ACSS1: variants seen among roughly 807,000 people sequenced by gnomAD.
The protein encoded by ACSS1 is acyl-CoA synthetase short chain family member 1.
A neutral mutation model predicts 75.3 loss-of-function variants in ACSS1; 42 were observed. That is an observed-to-expected ratio of 0.56 (90% CI 0.44 to 0.72). The LOEUF (loss-of-function observed/expected upper bound fraction) is 0.72. Among genes scored for constraint, ACSS1 ranks in the 30% least tolerant of loss-of-function variants. The probability of loss-of-function intolerance (pLI) is 0.00; values close to 1 mark genes in which losing one functional copy is unlikely to be tolerated. For synonymous variants in ACSS1, 380 were observed against 376.8 expected, an observed-to-expected ratio of 1.01 and a Z score of -0.10; for missense variants, 782 against 935.7, an observed-to-expected ratio of 0.84 and a Z score of 2.14.
At chr20:25,054,654 G>A (rs1397928786) in intron 1 of ACSS1, among the ~76,000 whole-genome samples, 5 of 152,248 alleles carry the variant, frequency 3.3e-5, no homozygotes, top group African/African-American at 1.2e-4. Flanking sequence ...GCTGAAGCCA[G>A]CCTGCAAGTT....
At chr20:25,044,113 TG>T (rs1399206978) in intron 2 of ACSS1, among the ~76,000 whole-genome samples, 1 of 152,210 alleles carries the variant, frequency 6.6e-6, no homozygotes, top group Non-Finnish European at 1.5e-5. Flanking sequence ...TTCCTGCACC[TG>T]GAGTCCAACC....
chr20:25,015,247 A>G lies in ACSS1; in HGVS notation c.1247-17T>C. On this transcript the variant is annotated splice_polypyrimidine_tract_variant and intron_variant, in intron 7 of 13. Transcript: ENST00000323482. ...GCTCTCCCACTGAAACCACACAGAA[A>G]GAAAAAGATGTTAACAGGCTGCAAA... 6.3e-7 allele frequency: 1 copy of G among 1,586,360 alleles called. No individual in the cohort carries two copies. The highest frequency in any genetic ancestry group is 2.3e-5 in the East Asian group (1 of 44,370).
intron 12 of ACSS1, chr20:25,010,647 T>C (rs1318881682): frequency 6.6e-6 from 1 of 152,406 alleles, no homozygotes; most frequent in Non-Finnish European, 1.5e-5. Flanking sequence ...GCCACCCCAC[T>C]AGGCTGTTAG....
chr20:25,057,269 T>A (rs951279208), intron 1 of ACSS1, among the ~76,000 whole-genome samples: 1 of 152,208 alleles, frequency 6.6e-6, no homozygotes, highest in African/African-American at 2.4e-5. Flanking sequence ...GCCACAGCTC[T>A]GTTTGTTTAC....
intron 10 of ACSS1, among the ~76,000 whole-genome samples, chr20:25,013,326 G>C (rs531240243): frequency 6.6e-6 from 1 of 152,204 alleles, no homozygotes; most frequent in African/African-American, 2.4e-5. Context: ...GAAAGTCCCC[G>C]AGTGGGGAAT....
At chr20:25,039,273 C>T (rs1442578216) in intron 2 of ACSS1, among the ~76,000 whole-genome samples, 2 of 152,224 alleles carry the variant, frequency 1.3e-5, no homozygotes, top group African/African-American at 4.8e-5. Context: ...CAAACCCAGG[C>T]CCAGCTCCAG....
intron 2 of ACSS1, chr20:25,032,492 T>C (rs555395527): frequency 4.5e-4 from 577 of 1,279,138 alleles, no homozygotes; most frequent in Non-Finnish European, 5.5e-4. Context: ...CTTGCTGTAC[T>C]GACTTTAATT....
rs1315753920 is a variant in ACSS1 at position 25,030,773 on chromosome 20, C to A, written c.617G>T (p.Gly206Val). 6.2e-7 allele frequency: 1 copy of A among 1,614,144 alleles called. No individual in the cohort carries two copies. Among genetic ancestry groups the A allele is most frequent in the Admixed American group, 1.7e-5 (1 of 60,014 alleles). Residue 206 changes from glycine to valine, a missense_variant, in exon 3 of 14, where the codon GGG becomes GTG. By Grantham distance (109) the Gly-to-Val change is moderately radical. Transcript: ENST00000323482. ...CACCTCCTCACCATCATTGATCCTC[C>A]CAGCCAAGGACTCTGCACTGAAGCC... ...FAGFSAESLA[G>V]RINDAKCKVV...
In ACSS1 at chr20:25,012,877, G is replaced by T; in HGVS notation, c.1642C>A (p.Arg548=). The T allele has an allele frequency of 6.2e-7, 1 of 1,614,156 alleles. No individual in the cohort carries two copies. Among genetic ancestry groups the T allele is most frequent in the Non-Finnish European group, 8.5e-7 (1 of 1,180,036 alleles). Residue 548 remains arginine, a synonymous_variant, in exon 11 of 14, where the codon CGG becomes AGG. Transcript: ENST00000323482. ...CTGATGTTGATGACATCATCCATCC[G>T]CCCTGTGATCTGGTAATAGCCGCCC... ...TEGGYYQITG[R]MDDVINISGH...
At chr20:25,016,776 G>A (rs1331482054) in intron 7 of ACSS1, among the ~76,000 whole-genome samples, 1 of 152,250 alleles carries the variant, frequency 6.6e-6, no homozygotes, top group Non-Finnish European at 1.5e-5. Context: ...TAATCCCCAC[G>A]GCAAAGCAGG....
intron 8 of ACSS1, among the ~76,000 whole-genome samples, chr20:25,014,378 A>G (rs11697253): frequency 0.098 from 14,888 of 152,276 alleles, 812 homozygotes; most frequent in Middle Eastern, 0.12. Flanking sequence ...ATGAAGACGG[A>G]GAAAAAGAAC....
intron 7 of ACSS1, among the ~76,000 whole-genome samples, chr20:25,017,864 C>T (rs942674140): frequency 3.9e-5 from 6 of 152,266 alleles, no homozygotes; most frequent in African/African-American, 1.4e-4. Flanking sequence ...TGCCCTTCAG[C>T]CCTGTCCCCA....
At position 25,054,485 on chromosome 20, in the gene ACSS1, A is replaced by G. The variant is rs74541367; in HGVS notation, c.334+3284T>C. On this transcript the variant is annotated intron_variant, in intron 1 of 13. Transcript: ENST00000323482. Reference sequence around the variant, plus strand: ...GGTGTGCTGATAGATACTCCCATGGATAACAAAACAGGTGCAAACACTCAG... The same window carrying G: ...GGTGTGCTGATAGATACTCCCATGGGTAACAAAACAGGTGCAAACACTCAG... 7.7e-3 allele frequency among the ~76,000 whole-genome samples: 1,176 copies of G among 152,352 alleles called. 11 individuals carry two copies. The highest frequency in any genetic ancestry group is 0.026 in the African/African-American group (1,065 of 41,574).
chr20:25,032,714 A>G, intron 2 of ACSS1: 1 of 1,158,916 alleles, frequency 8.6e-7, no homozygotes, highest in Non-Finnish European at 1.1e-6. Context: ...GCTCCCGAGA[A>G]CAGTGAAGCT....
chr20:25,006,787 C>A lies in ACSS1; in HGVS notation c.*975G>T. The stretch of plus-strand genomic sequence containing the variant: ...AGACCTCCAAGTCTCATCATTGGAC[C>A]TCAGTGGTTCTCACCGCCCCAACCA... On this transcript the variant is annotated 3_prime_UTR_variant, in exon 14 of 14. Coordinates refer to ENST00000323482, the MANE Select transcript of ACSS1 (RefSeq NM_032501.4). 6.6e-7 allele frequency: 1 copy of A among 1,514,414 alleles called. No homozygotes were observed. The highest frequency in any genetic ancestry group is 1.2e-5 in the South Asian group (1 of 83,296). The allele number at this position is 1,514,414 out of a possible 1,614,324, so 93.8% of individuals were successfully genotyped here. A position where few individuals can be genotyped will look rare whatever the true frequency, so the allele number is the denominator to read the frequency against.
At chr20:25,027,009 C>G (rs979128135) in intron 3 of ACSS1, among the ~76,000 whole-genome samples, 1 of 152,226 alleles carries the variant, frequency 6.6e-6, no homozygotes, top group Non-Finnish European at 1.5e-5. Context: ...CATGGCCACA[C>G]CAGCAAGAGA....
intron 5 of ACSS1, 96 bp from the exon 6 acceptor site, chr20:25,021,632 C>A: frequency 6.7e-7 from 1 of 1,492,534 alleles, no homozygotes; most frequent in Non-Finnish European, 9.0e-7. Flanking sequence ...GGCTGCAGTC[C>A]ATAGCTGTGA....
At chr20:25,030,713 A>T in intron 3 of ACSS1, 46 bp downstream of exon 3, 1 of 1,605,826 alleles carries the variant, frequency 6.2e-7, no homozygotes, top group Non-Finnish European at 8.5e-7. Flanking sequence ...AGGAACAAGG[A>T]TCAGGGAACT....
Position 25,006,613 on chromosome 20 carries a change from G to T in ACSS1, c.*1149C>A. ...AGGACAAACTCTCCCTCCCCTAAGG[G>T]ACCCGGCTCACTGGGCCTCCTTCCC... On this transcript the variant is annotated 3_prime_UTR_variant, in exon 14 of 14. Coordinates refer to ENST00000323482, the MANE Select transcript of ACSS1 (RefSeq NM_032501.4). 1 of 521,598 alleles carries T rather than the reference G, an allele frequency of 1.9e-6. No individual in the cohort carries two copies. The highest frequency in any genetic ancestry group is 3.4e-6 in the Non-Finnish European group (1 of 294,262). The allele number at this position is 521,598 out of a possible 1,614,324, so 32.3% of individuals were successfully genotyped here.
Sources: gnomAD v4.1 joint callset for allele counts (sites outside exome capture counted in the v4.1 genomes callset) on GRCh38, gnomAD v4.1.1 for gene constraint, MANE v1.5 for transcripts, NCBI Gene and HGNC (gene_info 2026-07-23, HGNC 2026-07-21) for gene names.